The following DSCAM variants were observed in gnomAD, a reference collection of about 807,000 sequenced individuals.
DSCAM encodes the protein cell adhesion molecule DSCAM.
Under a neutral mutation model 217.7 loss-of-function variants are expected in DSCAM, and 47 were observed. That is an observed-to-expected ratio of 0.22 (90% CI 0.17 to 0.28). The LOEUF is 0.28. Ranked by LOEUF, DSCAM falls within the 10% of genes least tolerant of loss-of-function variation. DSCAM has a pLI of 1.00. For synonymous variants in DSCAM, 1,056 were observed against 1,015.3 expected (o/e 1.04, Z -0.76); for missense variants, 2,080 against 2,618.3 (o/e 0.79, Z 4.49).
At chr21:40,366,329 AT>A (rs2074832596) in intron 4 of DSCAM, among the ~76,000 whole-genome samples, 1 of 151,858 alleles carries the variant, frequency 6.6e-6, no homozygotes, top group African/African-American at 2.4e-5. Flanking sequence ...TTTTAACTCT[AT>A]TTGTCTTATT....
chr21:40,691,405 C>T (rs2049843769), intron 3 of DSCAM, among the ~76,000 whole-genome samples: 1 of 152,218 alleles, frequency 6.6e-6, no homozygotes, highest in Admixed American at 6.5e-5. Flanking sequence ...AATTCTTCCA[C>T]TCCCTGAACC....
intron 1 of DSCAM, among the ~76,000 whole-genome samples, chr21:40,805,347 T>G (rs1176590499): frequency 1.3e-5 from 2 of 152,196 alleles, no homozygotes; most frequent in East Asian, 3.9e-4. Flanking sequence ...CATCCTGCCT[T>G]CTGGCTCATG....
chr21:40,362,198 G>C (rs1029487456), intron 4 of DSCAM, among the ~76,000 whole-genome samples: 3 of 152,048 alleles, frequency 2.0e-5, no homozygotes, highest in East Asian at 1.9e-4. Flanking sequence ...TTGGTTCCAA[G>C]TCTTTGCTAT....
chr21:40,559,823 C>T (rs544245296), intron 3 of DSCAM, among the ~76,000 whole-genome samples: 19 of 138,254 alleles, frequency 1.4e-4, no homozygotes, highest in Admixed American at 2.3e-4. Context: ...GATGGAGTCT[C>T]GCTCTGTCTC....
intron 16 of DSCAM, among the ~76,000 whole-genome samples, chr21:40,146,092 G>C (rs1196311179): frequency 2.6e-5 from 4 of 152,126 alleles, no homozygotes; most frequent in Admixed American, 6.5e-5. Context: ...TCTCCGTCCT[G>C]AAAGTGTTTA....
At chr21:40,357,277 G>C (rs1209343948) in intron 4 of DSCAM, among the ~76,000 whole-genome samples, 1 of 152,204 alleles carries the variant, frequency 6.6e-6, no homozygotes, top group East Asian at 1.9e-4. Flanking sequence ...TGAAGATCAA[G>C]TTATGTTCCC....
chr21:40,113,001 G>A (rs1003576322), intron 20 of DSCAM, among the ~76,000 whole-genome samples: 2 of 152,114 alleles, frequency 1.3e-5, no homozygotes, highest in African/African-American at 2.4e-5. Flanking sequence ...GGAGGAGCTG[G>A]TACCATTCCT....
Position 40,595,276 on chromosome 21 carries a change from G to A in DSCAM, c.508+97534C>T, listed in dbSNP as rs375864106. 7.2e-5 allele frequency among the ~76,000 whole-genome samples: 11 copies of A among 152,162 alleles called. No individual in the cohort carries two copies. The East Asian group carries it at 1.9e-3, about 27-fold the overall frequency. ...ACCTGCAGTCCCAGCTACTCAGGAG[G>A]CTGAGGTGGGAGGATCACTTGCGCC... On this transcript the variant is annotated intron_variant, in intron 3 of 32. Coordinates refer to ENST00000400454, the MANE Select transcript of DSCAM (RefSeq NM_001389.5).
intron 20 of DSCAM, among the ~76,000 whole-genome samples, chr21:40,111,440 A>G (rs1365319295): frequency 2.6e-5 from 4 of 152,196 alleles, no homozygotes; most frequent in East Asian, 1.9e-4. Context: ...AGGAACAACC[A>G]GTACCAGTCA....
intron 3 of DSCAM, among the ~76,000 whole-genome samples, chr21:40,379,431 A>G (rs148880859): frequency 2.5e-3 from 381 of 152,298 alleles, no homozygotes; most frequent in Non-Finnish European, 4.4e-3. Flanking sequence ...GGCTTTTATT[A>G]TGCTTGCTTT....
In DSCAM at chr21:40,498,456, T is replaced by C. The variant is rs537887804; in HGVS notation, c.509-129211A>G. 1.8e-4 allele frequency among the ~76,000 whole-genome samples: 27 copies of C among 151,788 alleles called. 1 individual carries two copies. In the South Asian group the frequency reaches 5.6e-3, roughly 32 times the overall value. On this transcript the variant is annotated intron_variant, in intron 3 of 32. Transcript: ENST00000400454. ...ATGGGTGTTTTAGAGACAACTTCCC[T>C]AGGATTGGAAGAAAGGTGGTAGAAA...
chr21:40,198,782 G>T (rs1254672031), intron 11 of DSCAM, among the ~76,000 whole-genome samples: 4 of 152,208 alleles, frequency 2.6e-5, no homozygotes, highest in African/African-American at 9.6e-5. Context: ...GGGAGCTGTG[G>T]CTCCACATAC....
At chr21:40,772,760 G>A (rs998480152) in intron 1 of DSCAM, among the ~76,000 whole-genome samples, 2 of 152,210 alleles carry the variant, frequency 1.3e-5, no homozygotes, top group Non-Finnish European at 2.9e-5. Flanking sequence ...CCCTTTGTGG[G>A]TGTTACTCAC....
intron 1 of DSCAM, among the ~76,000 whole-genome samples, chr21:40,816,300 T>A (rs903268527): frequency 6.6e-6 from 1 of 152,296 alleles, no homozygotes; most frequent in Middle Eastern, 3.4e-3. Context: ...GGATGCTAGA[T>A]GCCCTTCCTA....
At chr21:40,566,884 T>C (rs951232669) in intron 3 of DSCAM, among the ~76,000 whole-genome samples, 2 of 152,112 alleles carry the variant, frequency 1.3e-5, no homozygotes, top group African/African-American at 2.4e-5. Flanking sequence ...CTTGGCTTCA[T>C]TGGCCCTCTG....
chr21:40,807,147 G>C (rs1056912091), intron 1 of DSCAM, among the ~76,000 whole-genome samples: 3 of 151,436 alleles, frequency 2.0e-5, no homozygotes, highest in Non-Finnish European at 4.4e-5. Context: ...CAATCAATAA[G>C]TGTTTCATAG....
chr21:40,569,119 G>C (rs2076786849), intron 3 of DSCAM, among the ~76,000 whole-genome samples: 1 of 152,222 alleles, frequency 6.6e-6, no homozygotes, highest in African/African-American at 2.4e-5. Flanking sequence ...CTGTGCAGGA[G>C]AGCTGGCCCC....
intron 3 of DSCAM, among the ~76,000 whole-genome samples, chr21:40,677,919 T>C (rs538960342): frequency 6.6e-6 from 1 of 152,302 alleles, no homozygotes; most frequent in African/African-American, 2.4e-5. Context: ...CTGTCGTTTA[T>C]AAGCCACCCA....
intron 3 of DSCAM, among the ~76,000 whole-genome samples, chr21:40,608,719 T>C (rs2146274280): frequency 1.3e-5 from 2 of 152,330 alleles, no homozygotes; most frequent in Admixed American, 1.3e-4. Flanking sequence ...TTGGGAAACA[T>C]TGATTCATTT....
Sources: allele counts gnomAD v4.1 joint callset (sites outside exome capture counted in the v4.1 genomes callset), GRCh38; gene constraint gnomAD v4.1.1; transcripts MANE v1.5; gene names NCBI Gene and HGNC (gene_info 2026-07-23, HGNC 2026-07-21).